KLHL2: variants seen among roughly 807,000 people sequenced by gnomAD.
KLHL2 encodes the protein kelch-like protein 2.
KLHL2 carries 15 observed loss-of-function variants against 75.8 expected under a neutral mutation model. That is an observed-to-expected ratio of 0.20 (90% CI 0.13 to 0.30). The LOEUF (loss-of-function observed/expected upper bound fraction) is 0.30, where lower values mean the gene tolerates loss of function less well. KLHL2 is among the 10% of genes least tolerant of loss of function. The pLI is 1.00. For synonymous variants in KLHL2, 214 were observed against 251.9 expected (o/e 0.85, Z 1.42); for missense variants, 381 against 741.0 (o/e 0.51, Z 5.64).
intron 13 of KLHL2, among the ~76,000 whole-genome samples, chr4:165,316,059 GAAGGTGCATCCTTTTGGCA>G (rs1191184666): frequency 3.3e-5 from 5 of 152,178 alleles, no homozygotes; most frequent in Admixed American, 6.5e-5. Flanking sequence ...AACACTGCAG[GAAGGTGCATCCTTTTGGCA>G]AAGTGATTTG....
At chr4:165,245,660 A>G (rs1740202642) in intron 4 of KLHL2, among the ~76,000 whole-genome samples, 1 of 152,122 alleles carries the variant, frequency 6.6e-6, no homozygotes. Context: ...CAGACTGTAA[A>G]CACTGATATG....
chr4:165,263,348 A>G lies in KLHL2; in HGVS notation c.533A>G (p.Asn178Ser), dbSNP rs918470053. Residue 178 changes from asparagine to serine, a missense_variant, in exon 5 of 15, where the codon AAC (asparagine) becomes AGC (serine). Physicochemically the swap from Asn to Ser is conservative, Grantham distance 46. Around this residue, in one of 5 missense-constraint regions of KLHL2, gnomAD observed 111 missense variants for 150.1 expected, o/e 0.74. Coordinates refer to ENST00000226725, the MANE Select transcript of KLHL2 (RefSeq NM_007246.4). ...TGTACCGACCTTCTGAACAAGGCCAACACCTATGCAGGCAAGTGGAGTAGA... is the reference window on the plus strand; with the variant it reads ...TGTACCGACCTTCTGAACAAGGCCAGCACCTATGCAGGCAAGTGGAGTAGA... ...HACTDLLNKA[N>S]TYAEQHFADV... 6.8e-6 allele frequency: 11 copies of G among 1,613,736 alleles called. No individual in the cohort carries two copies. The Middle Eastern group carries it at 4.9e-4, about 72-fold the overall frequency.
chr4:165,234,442 A>G (rs974384452), intron 3 of KLHL2, among the ~76,000 whole-genome samples: 3 of 152,130 alleles, frequency 2.0e-5, no homozygotes, highest in Admixed American at 1.3e-4. Flanking sequence ...GTGCTAAATA[A>G]CTGAAATTAG....
At chr4:165,242,510 T>C (rs961158408) in intron 4 of KLHL2, among the ~76,000 whole-genome samples, 9 of 152,168 alleles carry the variant, frequency 5.9e-5, no homozygotes, top group Non-Finnish European at 1.3e-4. Context: ...ATTTTTTTAT[T>C]TTATTGAGAC....
chr4:165,285,710 T>A (rs1209074772), intron 5 of KLHL2, among the ~76,000 whole-genome samples: 3 of 152,030 alleles, frequency 2.0e-5, no homozygotes, highest in Non-Finnish European at 4.4e-5. Flanking sequence ...CCTGGCCCAG[T>A]GTGGATATAC....
At chr4:165,236,865 C>T (rs1739390913) in intron 3 of KLHL2, among the ~76,000 whole-genome samples, 1 of 151,722 alleles carries the variant, frequency 6.6e-6, no homozygotes. Flanking sequence ...AATATTTGAA[C>T]TAGCAAAATG....
intron 4 of KLHL2, among the ~76,000 whole-genome samples, chr4:165,254,979 A>G (rs1169726341): frequency 6.6e-6 from 1 of 152,248 alleles, no homozygotes; most frequent in Non-Finnish European, 1.5e-5. Context: ...GATGTGCTAC[A>G]TGGTCATTGC....
intron 2 of KLHL2, among the ~76,000 whole-genome samples, chr4:165,226,714 T>C (rs1200163160): frequency 6.6e-6 from 1 of 152,130 alleles, no homozygotes; most frequent in Non-Finnish European, 1.5e-5. Context: ...CTTTCTAGTA[T>C]ATATTATGTC....
At chr4:165,302,914 C>T (rs1006299138) in intron 8 of KLHL2, among the ~76,000 whole-genome samples, 6 of 152,286 alleles carry the variant, frequency 3.9e-5, no homozygotes, top group Admixed American at 1.3e-4. Context: ...TACAAAAGGT[C>T]TTCTTTTCTT....
chr4:165,258,396 A>C lies in KLHL2; in HGVS notation c.382-4801A>C, dbSNP rs1293577171. ...ATGATGGTCTGTGCTTAACTATGAC[A>C]AAAAAAAAAAAAAAAAAGGATCATA... On this transcript the variant is annotated intron_variant, in intron 4 of 14. Coordinates refer to ENST00000226725, the MANE Select transcript of KLHL2 (RefSeq NM_007246.4). Among the ~76,000 whole-genome samples, 11 of 41,376 alleles carry C rather than the reference A, an allele frequency of 2.7e-4. 1 individual carries two copies. The highest frequency in any genetic ancestry group is 2.1e-3 in the South Asian group (5 of 2,398). The allele number at this position is 41,376 out of a possible 152,430, so 27.1% of individuals were successfully genotyped here.
chr4:165,285,421 T>C (rs1251639379), intron 5 of KLHL2, among the ~76,000 whole-genome samples: 2 of 151,986 alleles, frequency 1.3e-5, no homozygotes, highest in African/African-American at 4.8e-5. Context: ...TACTACTTTT[T>C]TTGAGATGGA....
At position 165,279,260 on chromosome 4, in the gene KLHL2, C is replaced by A. The variant is rs770616063; in HGVS notation, c.545-15099C>A. The A allele has an allele frequency of 6.5e-6, 10 of 1,535,138 alleles. No homozygotes were observed. The African/African-American group carries it at 6.8e-5, about 10-fold the overall frequency. On this transcript the variant is annotated intron_variant, in intron 5 of 14. Coordinates refer to ENST00000226725, the MANE Select transcript of KLHL2 (RefSeq NM_007246.4). ...GACAAAGTTATTATTTCCTGGAATTCTTTTACTAAGACTCTCAACGGTAGA... is the reference window on the plus strand; with the variant it reads ...GACAAAGTTATTATTTCCTGGAATTATTTTACTAAGACTCTCAACGGTAGA...
At position 165,278,298 on chromosome 4, in the gene KLHL2, A is replaced by T. The variant is rs376652499; in HGVS notation, c.544+14939A>T. ...CCCAGTGCAGTGGTTTCGGGCATCA[A>T]GGGCTTCACTACTGGAATATACAGA... On this transcript the variant is annotated intron_variant, in intron 5 of 14. Coordinates refer to ENST00000226725, the MANE Select transcript of KLHL2 (RefSeq NM_007246.4). 83 of 1,074,250 alleles carry T rather than the reference A, an allele frequency of 7.7e-5. No homozygotes were observed. The East Asian group carries it at 1.9e-3, about 25-fold the overall frequency. The allele number at this position is 1,074,250 out of a possible 1,614,324, so 66.5% of individuals were successfully genotyped here. A position where few individuals can be genotyped will look rare whatever the true frequency, so the allele number is the denominator to read the frequency against.
chr4:165,254,030 GCCAGTAGAACA>G (rs1046116798), intron 4 of KLHL2, among the ~76,000 whole-genome samples: 1 of 141,148 alleles, frequency 7.1e-6, no homozygotes, highest in African/African-American at 2.6e-5. Context: ...CATTAAAAAA[GCCAGTAGAACA>G]CTTTCTTTAC....
At chr4:165,257,669 G>A (rs1741296185) in intron 4 of KLHL2, among the ~76,000 whole-genome samples, 1 of 152,202 alleles carries the variant, frequency 6.6e-6, no homozygotes, top group African/African-American at 2.4e-5. Context: ...AACAGAGCTT[G>A]TAATTTTGTC....
rs1188134586 is a variant in KLHL2, at chr4:165,319,416, T to C, written c.1753+1447T>C. Among the ~76,000 whole-genome samples, 3 of 152,230 alleles carry C rather than the reference T, an allele frequency of 2.0e-5. No homozygotes were observed. The highest frequency in any genetic ancestry group is 4.4e-5 in the Non-Finnish European group (3 of 68,020). On this transcript the variant is annotated intron_variant, in intron 14 of 14. Transcript: ENST00000226725. The surrounding 1 kb of genome is among the most constrained non-coding windows in gnomAD (Gnocchi z 4.5). ...CATGACATTACAAGAAAAAGCTGAA[T>C]TGCTTGAGATATACCATGGATTGAG...
chr4:165,279,735 C>G, intron 5 of KLHL2: 1 of 968,556 alleles, frequency 1.0e-6, no homozygotes, highest in African/African-American at 1.6e-5. Flanking sequence ...GTCCAAAGAG[C>G]GAGGCCGCGC....
chr4:165,252,875 G>T (rs1185851615), intron 4 of KLHL2, among the ~76,000 whole-genome samples: 1 of 152,108 alleles, frequency 6.6e-6, no homozygotes. Context: ...TAATCTATTA[G>T]TATGGATTTA....
chr4:165,278,593 T>A, intron 5 of KLHL2: 1 of 1,604,590 alleles, frequency 6.2e-7, no homozygotes. Flanking sequence ...AAGTACCTAC[T>A]TCTTTAGCAA....
Sources: allele counts gnomAD v4.1 joint callset (sites outside exome capture counted in the v4.1 genomes callset), GRCh38; gene constraint gnomAD v4.1.1; regional missense constraint gnomAD v4.1.1; non-coding constraint Gnocchi (gnomAD v3.1); transcripts MANE v1.5; gene names NCBI Gene and HGNC (gene_info 2026-07-23, HGNC 2026-07-21).